CREBBP: variants seen among roughly 807,000 people sequenced by gnomAD.
The protein encoded by CREBBP is CREB-binding protein.
Under a neutral mutation model 265.0 loss-of-function variants are expected in CREBBP, and 19 were observed. The ratio of observed to expected loss-of-function variants is 0.07; its 90% CI spans 0.05 to 0.11. The LOEUF is 0.11. CREBBP is among the 10% of genes least tolerant of loss of function. The pLI is 1.00. For synonymous variants in CREBBP, 1,457 were observed against 1,223.7 expected (o/e 1.19, Z -3.98); for missense variants, 2,525 against 3,219.0 (o/e 0.78, Z 5.22).
chr16:3,788,577 C>A (rs918124956), intron 5 of CREBBP, among the ~76,000 whole-genome samples: 25 of 151,936 alleles, frequency 1.6e-4, no homozygotes, highest in Admixed American at 9.8e-4. Context: ...CCTAATTATT[C>A]AAAAAAAATT....
rs1567308271 is a variant in CREBBP at position 3,781,193 on chromosome 16, CAG to C, written c.1676+9_1676+10del. The C allele has an allele frequency of 6.2e-7, 1 of 1,610,174 alleles. No individual in the cohort carries two copies. Among genetic ancestry groups the C allele is most frequent in the Non-Finnish European group, 8.5e-7 (1 of 1,176,474 alleles). ...GTTGGACTGTCACTCAGATCTGAAA[CAG>C]GGTCTTACTTTGTGGCCCCCAGGGA... is the stretch of plus-strand genomic sequence containing the variant. On this transcript the variant is annotated intron_variant, in intron 7 of 30. Transcript: ENST00000262367.
chr16:3,879,468 T>C (rs951629411), intron 1 of CREBBP, among the ~76,000 whole-genome samples: 3 of 152,222 alleles, frequency 2.0e-5, no homozygotes, highest in African/African-American at 7.2e-5. Flanking sequence ...TACCCTCCGC[T>C]GTCATTCCTC....
intron 2 of CREBBP, 77 bp downstream of exon 2, chr16:3,850,220 G>T: frequency 6.9e-7 from 1 of 1,450,912 alleles, no homozygotes; most frequent in Non-Finnish European, 9.7e-7. Flanking sequence ...TGGGCCACGT[G>T]GTCCCATTTT....
chr16:3,749,716 A>C, intron 20 of CREBBP, 33 bp from the exon 21 acceptor site: 1 of 1,417,860 alleles, frequency 7.1e-7, no homozygotes. Context: ...TGTTTTATTA[A>C]CTAAAATTTA....
chr16:3,805,479 G>A (rs1042450231), intron 3 of CREBBP, among the ~76,000 whole-genome samples: 3 of 152,216 alleles, frequency 2.0e-5, no homozygotes, highest in African/African-American at 7.2e-5. Flanking sequence ...AGGAGCTTGT[G>A]TATAATGTTA....
Position 3,728,038 on chromosome 16 carries a change from T to A in CREBBP, c.7009A>T (p.Thr2337Ser). Residue 2337 changes from threonine to serine, a missense_variant, in exon 31 of 31, where the codon ACG becomes TCG. By Grantham distance (58) the Thr-to-Ser change is moderately conservative. This residue lies in a region of CREBBP where 473 missense variants were observed against 459.3 expected (regional missense o/e 1.03). Coordinates refer to ENST00000262367, the MANE Select transcript of CREBBP (RefSeq NM_004380.3). This position sits in a 1 kb window ranked among gnomAD's most constrained non-coding sequence, Gnocchi z 8.7. Reference sequence around the variant, plus strand: ...GACCGCACCTGGTTACTAAGGGACGTGGCGATCTGCTGGCCAGGGAGATGC... The same window carrying A: ...GACCGCACCTGGTTACTAAGGGACGAGGCGATCTGCTGGCCAGGGAGATGC... ...ASHLPGQQIA[T>S]SLSNQVRSPA... 2 of 1,612,424 alleles carry A rather than the reference T, an allele frequency of 1.2e-6. No individual in the cohort carries two copies. Among genetic ancestry groups the A allele is most frequent in the Non-Finnish European group, 1.7e-6 (2 of 1,178,652 alleles).
Position 3,778,124 on chromosome 16 carries a change from T to C in CREBBP, c.2000A>G (p.Glu667Gly), listed in dbSNP as rs2053189982. 1.2e-6 allele frequency: 2 copies of C among 1,613,558 alleles called. No homozygotes were observed. The highest frequency in any genetic ancestry group is 1.7e-6 in the Non-Finnish European group (2 of 1,179,550). Reference sequence around the variant, plus strand: ...TTTATGTAAACGCGACCTCCGTTTTTCTTCTAGTTCTTTTTGTATCTTGTA... The same window carrying C: ...TTTATGTAAACGCGACCTCCGTTTTCCTTCTAGTTCTTTTTGTATCTTGTA... Reference protein sequence around the residue: ...KIYKIQKELEEKRRSRLHKQG... With the variant: ...KIYKIQKELEGKRRSRLHKQG... Residue 667 changes from glutamate to glycine, a missense_variant, in exon 10 of 31, where the codon GAA becomes GGA. Transcript: ENST00000262367.
In CREBBP at chr16:3,728,105, C is replaced by T. The variant is rs2151300348; in HGVS notation, c.6942G>A (p.Met2314Ile). ...QIGSPGQPNP[M>I]SPQQHMLSGQ... The stretch of plus-strand genomic sequence containing the variant: ...CTGAGAGCATGTGTTGCTGGGGGCT[C>T]ATGGGGTTCGGCTGGCCTGGGGACC... The change falls in exon 31 of 31, where the codon ATG becomes ATA. Residue 2314 changes from methionine to isoleucine, a missense_variant. Physicochemically the swap from Met to Ile is conservative, Grantham distance 10. Coordinates refer to ENST00000262367, the MANE Select transcript of CREBBP (RefSeq NM_004380.3). The surrounding 1 kb of genome is among the most constrained non-coding windows in gnomAD (Gnocchi z 8.7). The T allele has an allele frequency of 1.2e-6, 2 of 1,614,180 alleles. No homozygotes were observed. The highest frequency in any genetic ancestry group is 1.7e-6 in the Non-Finnish European group (2 of 1,180,032).
Position 3,850,362 on chromosome 16 carries a change from G to A in CREBBP, c.733C>T (p.Gln245Ter). 6.2e-7 allele frequency: 1 copy of A among 1,614,240 alleles called. No individual in the cohort carries two copies. Among genetic ancestry groups the A allele is most frequent in the Non-Finnish European group, 8.5e-7 (1 of 1,180,046 alleles). ...TGACCAGTCATTTGCGGGGAAACCT[G>A]CGTTAGGGTCTCAGCCAGCACGCTG... The part of the protein sequence containing the change: ...SSSVLAETLT[Q>*]VSPQMTGHAG... The change falls in exon 2 of 31, where the codon CAG becomes TAG. Residue 245 changes from glutamine (Q) to a stop codon, truncating the protein, a stop_gained. Coordinates refer to ENST00000262367, the MANE Select transcript of CREBBP (RefSeq NM_004380.3). LOFTEE classifies it high-confidence loss of function.
Position 3,770,631 on chromosome 16 carries a change from G to T in CREBBP, c.2819C>A (p.Ala940Asp). The T allele has an allele frequency of 6.2e-7, 1 of 1,613,988 alleles. No homozygotes were observed. Among genetic ancestry groups the T allele is most frequent in the Non-Finnish European group, 8.5e-7 (1 of 1,180,028 alleles). The stretch of plus-strand genomic sequence containing the variant: ...CTGTTGCTGCGATGACTGAGGGGTA[G>T]CCACAGACGGGGGCTGAACTGGGGT... ...PQTPVQPPSV[A>D]TPQSSQQQPT... is the part of the protein sequence containing the mutation. The change falls in exon 14 of 31, where the codon GCT becomes GAT. Residue 940 changes from alanine to aspartate, a missense_variant. Around this residue, in one of 19 missense-constraint regions of CREBBP, gnomAD observed 548 missense variants for 533.0 expected, o/e 1.03. Coordinates refer to ENST00000262367, the MANE Select transcript of CREBBP (RefSeq NM_004380.3).
rs546087462 is a variant in CREBBP, at chr16:3,756,091, A to G, written c.3698+1197T>C. Among the ~76,000 whole-genome samples, 11 of 152,336 alleles carry G rather than the reference A, an allele frequency of 7.2e-5. No homozygotes were observed. In the South Asian group the frequency reaches 2.3e-3, roughly 32 times the overall value. The stretch of plus-strand genomic sequence containing the variant: ...AAACTCCAAAATTTTCAGGCCTGTG[A>G]ACAAATAACAAAAAGCCTTCTGTCT... On this transcript the variant is annotated intron_variant, in intron 19 of 30. Transcript: ENST00000262367.
intron 2 of CREBBP, among the ~76,000 whole-genome samples, chr16:3,816,062 T>C (rs1428139127): frequency 1.3e-5 from 2 of 152,170 alleles, no homozygotes; most frequent in African/African-American, 2.4e-5. Context: ...ATTAGAAGTT[T>C]CTTTTACTCT....
intron 3 of CREBBP, 86 bp downstream of exon 3, chr16:3,810,517 T>C (rs1260391173): frequency 4.3e-5 from 64 of 1,490,206 alleles, no homozygotes; most frequent in Non-Finnish European, 5.5e-5. Context: ...CTTTTAGTTA[T>C]AGACTTTCAC....
chr16:3,785,265 C>A (rs767234150), intron 5 of CREBBP, among the ~76,000 whole-genome samples: 6 of 152,196 alleles, frequency 3.9e-5, no homozygotes, highest in Admixed American at 2.0e-4. Context: ...CTCCTGTACC[C>A]GCTTGTCTTT....
At chr16:3,879,383 G>T (rs1157285941) in intron 1 of CREBBP, among the ~76,000 whole-genome samples, 1 of 152,170 alleles carries the variant, frequency 6.6e-6, no homozygotes, top group Non-Finnish European at 1.5e-5. Context: ...ATGCAGCCTG[G>T]TCAATGTGTC....
chr16:3,776,971 T>C (rs1229445853), intron 11 of CREBBP, among the ~76,000 whole-genome samples: 1 of 150,910 alleles, frequency 6.6e-6, no homozygotes, highest in Non-Finnish European at 1.5e-5. Flanking sequence ...TGAGCCCAGA[T>C]CGTGCCACTG....
Position 3,745,368 on chromosome 16 carries a change from A to G in CREBBP, c.3837-14T>C, listed in dbSNP as rs370654876. The stretch of plus-strand genomic sequence containing the variant: ...CAATCAACGAAACTAGGAGGCAAAG[A>G]AGGCGCACTGTTAAAGCACACGGAA... On this transcript the variant is annotated splice_polypyrimidine_tract_variant and intron_variant, in intron 21 of 30. Transcript: ENST00000262367. 1.4e-5 allele frequency: 22 copies of G among 1,613,358 alleles called. No individual in the cohort carries two copies. In the South Asian group the frequency reaches 1.5e-4, roughly 11 times the overall value.
intron 1 of CREBBP, among the ~76,000 whole-genome samples, chr16:3,875,401 G>T (rs145213161): frequency 6.6e-6 from 1 of 152,254 alleles, no homozygotes; most frequent in East Asian, 1.9e-4. Context: ...ACTCACTGAT[G>T]GGGTAACATA....
intron 2 of CREBBP, among the ~76,000 whole-genome samples, chr16:3,830,163 G>A (rs868652536): frequency 6.6e-6 from 1 of 152,128 alleles, no homozygotes; most frequent in Admixed American, 6.6e-5. Context: ...TTGGGAGGTC[G>A]AGGTGGGCAG....
Sources: allele counts gnomAD v4.1 joint callset (sites outside exome capture counted in the v4.1 genomes callset), GRCh38; gene constraint gnomAD v4.1.1; regional missense constraint gnomAD v4.1.1; non-coding constraint Gnocchi (gnomAD v3.1); transcripts MANE v1.5; gene names NCBI Gene and HGNC (gene_info 2026-07-23, HGNC 2026-07-21).